JOSD1: variants seen among roughly 807,000 people sequenced by gnomAD.
The protein encoded by JOSD1 is Josephin domain containing 1.
In JOSD1, 11 loss-of-function variants were observed where a neutral mutation model predicts 24.3. The ratio of observed to expected loss-of-function variants is 0.45; its 90% confidence interval spans 0.29 to 0.75. JOSD1 has a LOEUF of 0.75. Among genes scored for constraint, JOSD1 ranks in the 30% least tolerant of loss-of-function variants. The pLI, the probability that JOSD1 is intolerant of heterozygous loss-of-function variation, is 0.11. For synonymous variants in JOSD1, 106 were observed against 93.8 expected, an observed-to-expected ratio of 1.13 and a Z score of -0.75; for missense variants, 184 against 253.5, an observed-to-expected ratio of 0.73 and a Z score of 1.86.
At position 38,700,911 on chromosome 22, in the gene JOSD1, GGCCGCCACCTGGAGTGCGC is replaced by G. The variant is rs2097097745; in HGVS notation, c.-762_-744del. ...CGCTGGCGGTCCCCTCACCGCAGCCGGCCGCCACCTGGAGTGCGCGCCGCCAACTGGGCCGTGCGGGCGG... is the reference window on the plus strand; with the variant it reads ...CGCTGGCGGTCCCCTCACCGCAGCCGGCCGCCAACTGGGCCGTGCGGGCGG... On this transcript the variant is annotated 5_prime_UTR_variant, in exon 1 of 5. Coordinates refer to ENST00000683374, the MANE Select transcript of JOSD1 (RefSeq NM_001360236.2). 1 of 984,498 alleles carries G rather than the reference GGCCGCCACCTGGAGTGCGC, an allele frequency of 1.0e-6. No homozygotes were observed. The highest frequency in any genetic ancestry group is 4.7e-5 in the South Asian group (1 of 21,288). The allele number at this position is 984,498 out of a possible 1,614,324, so 61.0% of individuals were successfully genotyped here.
intron 2 of JOSD1, among the ~76,000 whole-genome samples, chr22:38,699,440 T>C (rs1746698376): frequency 1.3e-5 from 2 of 152,338 alleles, no homozygotes; most frequent in African/African-American, 2.4e-5. Context: ...TATAGCATAG[T>C]GGTCAACAGC....
Position 38,700,297 on chromosome 22 carries a change from A to AACCC in JOSD1, c.-311_-310insGGGT. 1 of 202,888 alleles carries AACCC rather than the reference A, an allele frequency of 4.9e-6. No homozygotes were observed. Among genetic ancestry groups the AACCC allele is most frequent in the Non-Finnish European group, 6.8e-6 (1 of 146,326 alleles). The allele number at this position is 202,888 out of a possible 1,614,324, so 12.6% of individuals were successfully genotyped here. On this transcript the variant is annotated 5_prime_UTR_variant, in exon 2 of 5. Transcript: ENST00000683374. ...TTCCGTTTCCCCACCCTTCCCTCCC[A>AACCC]CCCCCCTCCAAAATCCCCACGATTT... is the stretch of plus-strand genomic sequence containing the variant.
rs890430850 is a variant in JOSD1 at position 38,700,050 on chromosome 22, T to C, written c.-63A>G. ...CCCACTCTTCCCTCTAGAGGAAGAA[T>C]GTAAGCTTCTCAGTCTTTTCCGGAT... On this transcript the variant is annotated 5_prime_UTR_variant, in exon 2 of 5. Coordinates refer to ENST00000683374, the MANE Select transcript of JOSD1 (RefSeq NM_001360236.2). The C allele has an allele frequency of 5.3e-6, 8 of 1,515,954 alleles. No individual in the cohort carries two copies. The highest frequency in any genetic ancestry group is 7.0e-6 in the Non-Finnish European group (8 of 1,135,286). The allele number at this position is 1,515,954 out of a possible 1,614,324, so 93.9% of individuals were successfully genotyped here.
rs377441800 is a variant in JOSD1, at chr22:38,700,014, G to A, written c.-27C>T. The A allele has an allele frequency of 9.0e-6, 14 of 1,561,196 alleles. No individual in the cohort carries two copies. Among genetic ancestry groups the A allele is most frequent in the Admixed American group, 1.9e-5 (1 of 51,784 alleles). On this transcript the variant is annotated 5_prime_UTR_variant, in exon 2 of 5. Transcript: ENST00000683374. ...TTTTTTGTTTTAGGTTCCAGAGATG[G>A]CTATAAACACCCCACTCTTCCCTCT...
intron 2 of JOSD1, among the ~76,000 whole-genome samples, chr22:38,695,160 T>A (rs1232237249): frequency 2.0e-5 from 3 of 152,180 alleles, no homozygotes; most frequent in Non-Finnish European, 2.9e-5. Context: ...CACACATTAG[T>A]AATCCGTAGG....
intron 2 of JOSD1, among the ~76,000 whole-genome samples, chr22:38,694,611 C>A (rs1256350603): frequency 6.6e-6 from 1 of 151,956 alleles, no homozygotes; most frequent in African/African-American, 2.4e-5. Flanking sequence ...GCCTGTAATC[C>A]CAGCACTCTG....
intron 2 of JOSD1, among the ~76,000 whole-genome samples, chr22:38,696,242 T>C (rs192968619): frequency 3.3e-4 from 45 of 137,644 alleles, no homozygotes; most frequent in African/African-American, 9.1e-4. Context: ...ATACCCCCCC[T>C]TTTTTTTTTT....
At position 38,687,691 on chromosome 22, in the gene JOSD1, T is replaced by C. The variant is rs1417467519; in HGVS notation, c.*211A>G. On this transcript the variant is annotated 3_prime_UTR_variant, in exon 5 of 5. Transcript: ENST00000683374. The stretch of plus-strand genomic sequence containing the variant: ...AGGGTTTGTGACCACTGGCCTTAAG[T>C]GCACAGAACTCCTACCTTCCTTGCC... 1 of 531,468 alleles carries C rather than the reference T, an allele frequency of 1.9e-6. No homozygotes were observed. Among genetic ancestry groups the C allele is most frequent in the African/African-American group, 1.9e-5 (1 of 51,876 alleles). The allele number at this position is 531,468 out of a possible 1,614,324, so 32.9% of individuals were successfully genotyped here.
At chr22:38,691,096 G>C (rs905389297) in intron 2 of JOSD1, among the ~76,000 whole-genome samples, 8 of 152,040 alleles carry the variant, frequency 5.3e-5, no homozygotes, top group African/African-American at 1.7e-4. Flanking sequence ...CGGGAGTGGT[G>C]GCTCACACCT....
intron 3 of JOSD1, 54 bp from the exon 4 acceptor site, chr22:38,689,183 C>A (rs2092511392): frequency 6.2e-7 from 1 of 1,602,178 alleles, no homozygotes; most frequent in South Asian, 1.1e-5. Flanking sequence ...CCAAGGTTCC[C>A]TGGCTGTAAT....
intron 2 of JOSD1, among the ~76,000 whole-genome samples, chr22:38,695,655 C>T (rs1025879929): frequency 2.0e-4 from 30 of 152,194 alleles, no homozygotes; most frequent in Non-Finnish European, 2.1e-4. Flanking sequence ...CTATGTTGCA[C>T]GGGCTGGTCT....
In JOSD1 at chr22:38,700,515, C is replaced by T; in HGVS notation, c.-528G>A. The T allele has an allele frequency of 1.0e-6, 1 of 985,982 alleles. No individual in the cohort carries two copies. The highest frequency in any genetic ancestry group is 1.7e-5 in the African/African-American group (1 of 57,350). 61.1% of individuals were successfully genotyped at this position (985,982 alleles called of 1,614,324 possible). A position where few individuals can be genotyped will look rare whatever the true frequency, so the allele number is the denominator to read the frequency against. Reference sequence around the variant, plus strand: ...GGCCGGCAGGCGTGGGACCGCGAGCCGCGCGGGGGCCTCGGGGGCAGCCCT... The same window carrying T: ...GGCCGGCAGGCGTGGGACCGCGAGCTGCGCGGGGGCCTCGGGGGCAGCCCT... On this transcript the variant is annotated 5_prime_UTR_variant, in exon 2 of 5. Transcript: ENST00000683374.
intron 2 of JOSD1, 85 bp from the exon 3 acceptor site, chr22:38,689,509 A>C: frequency 6.5e-7 from 1 of 1,529,034 alleles, no homozygotes; most frequent in Non-Finnish European, 8.9e-7. Flanking sequence ...AGAGCACTTT[A>C]CATCACTGCC....
chr22:38,701,238 C>G (rs2092569619), upstream of JOSD1: 2 of 152,690 alleles, frequency 1.3e-5, no homozygotes. Context: ...CCTGGCGGGG[C>G]GGCCTGAGGG....
Position 38,689,091 on chromosome 22 carries a change from A to C in JOSD1, c.353T>G (p.Phe118Cys). 2 of 1,614,210 alleles carry C rather than the reference A, an allele frequency of 1.2e-6. No homozygotes were observed. The highest frequency in any genetic ancestry group is 1.7e-6 in the Non-Finnish European group (2 of 1,180,034). Reference sequence around the variant, plus strand: ...TAGGCTGGAGGGCAGATTCATGATGAAGCCCATGACGTTAGTGAGGGCAAT... The same window carrying C: ...TAGGCTGGAGGGCAGATTCATGATGCAGCCCATGACGTTAGTGAGGGCAAT... ...GVIALTNVMG[F>C]IMNLPSSLCW... The change falls in exon 4 of 5, where the codon TTC becomes TGC. Residue 118 changes from phenylalanine (F) to cysteine (C), a missense_variant. Physicochemically the swap from Phe to Cys is radical, Grantham distance 205 (BLOSUM62 -2). Transcript: ENST00000683374.
intron 1 of JOSD1, 44 bp from the exon 2 acceptor site, chr22:38,700,662 G>A: frequency 1.0e-6 from 1 of 981,310 alleles, no homozygotes. Flanking sequence ...AGCGGGCGCG[G>A]GAAGTGAGCG....
In JOSD1 at chr22:38,700,039, T is replaced by C; in HGVS notation, c.-52A>G. The C allele has an allele frequency of 2.0e-6, 3 of 1,526,150 alleles. No individual in the cohort carries two copies. The highest frequency in any genetic ancestry group is 1.8e-4 in the Middle Eastern group (1 of 5,650). 94.5% of individuals were successfully genotyped at this position (1,526,150 alleles called of 1,614,324 possible). A position where few individuals can be genotyped will look rare whatever the true frequency, so the allele number is the denominator to read the frequency against. ...GCTATAAACACCCCACTCTTCCCTC[T>C]AGAGGAAGAATGTAAGCTTCTCAGT... On this transcript the variant is annotated 5_prime_UTR_variant, in exon 2 of 5. Transcript: ENST00000683374.
At chr22:38,696,263 A>C (rs1427930760) in intron 2 of JOSD1, among the ~76,000 whole-genome samples, 1 of 146,906 alleles carries the variant, frequency 6.8e-6, no homozygotes, top group Non-Finnish European at 1.5e-5. Flanking sequence ...GAGAGATGGG[A>C]GTCTCACTCT....
rs2092504521 is a variant in JOSD1 at position 38,687,839 on chromosome 22, G to A, written c.*63C>T. ...AAGTGGCAAGGGCAGACCCACTGTAGAGGCCACAGCACGTCACAGAGGACT... is the reference window on the plus strand; with the variant it reads ...AAGTGGCAAGGGCAGACCCACTGTAAAGGCCACAGCACGTCACAGAGGACT... On this transcript the variant is annotated 3_prime_UTR_variant, in exon 5 of 5. Transcript: ENST00000683374. 7.0e-6 allele frequency: 8 copies of A among 1,140,730 alleles called. No individual in the cohort carries two copies. Among genetic ancestry groups the A allele is most frequent in the African/African-American group, 3.1e-5 (2 of 65,540 alleles). 70.7% of individuals were successfully genotyped at this position (1,140,730 alleles called of 1,614,324 possible).
Sources: allele counts gnomAD v4.1 joint callset (sites outside exome capture counted in the v4.1 genomes callset), GRCh38; gene constraint gnomAD v4.1.1; transcripts MANE v1.5; gene names NCBI Gene and HGNC (gene_info 2026-07-23, HGNC 2026-07-21).